The following GRIN2B variants were observed in gnomAD, a reference collection of about 807,000 sequenced individuals.
GRIN2B encodes glutamate receptor ionotropic, NMDA 2B.
Under a neutral mutation model 114.5 loss-of-function variants are expected in GRIN2B, and 5 were observed. The observed-to-expected ratio is 0.04, with a 90% CI of 0.02 to 0.09. The LOEUF is 0.09. Ranked by LOEUF, GRIN2B falls within the 10% of genes least tolerant of loss-of-function variation. The probability of loss-of-function intolerance (pLI) is 1.00; values close to 1 mark genes in which losing one functional copy is unlikely to be tolerated. For missense variants in GRIN2B, 1,108 were observed against 1,943.5 expected (o/e 0.57, Z 8.08); for synonymous variants, 787 against 745.1 (o/e 1.06, Z -0.92).
chr12:13,668,058 A>T (rs1949993821), intron 5 of GRIN2B, among the ~76,000 whole-genome samples: 1 of 152,206 alleles, frequency 6.6e-6, no homozygotes, highest in Non-Finnish European at 1.5e-5. Flanking sequence ...AACCACAGAT[A>T]ACTGTCATGA....
In GRIN2B at chr12:13,949,999, C is replaced by T. The variant is rs1324893942; in HGVS notation, c.-19+29929G>A. Among the ~76,000 whole-genome samples the T allele has an allele frequency of 2.0e-5, 3 of 152,090 alleles. No individual in the cohort carries two copies. The East Asian group carries it at 5.8e-4, about 29-fold the overall frequency. ...CATTATAGAACAGGCACTTAAATTA[C>T]CTTTGATCATGATGTCGATTACAGA... On this transcript the variant is annotated intron_variant, in intron 2 of 13. Transcript: ENST00000609686.
intron 3 of GRIN2B, among the ~76,000 whole-genome samples, chr12:13,789,945 A>C (rs1864290362): frequency 6.6e-6 from 1 of 152,112 alleles, no homozygotes; most frequent in Non-Finnish European, 1.5e-5. Context: ...GGTGAATTGG[A>C]AGTAGATTTT....
chr12:13,837,322 A>G (rs191430037), intron 3 of GRIN2B, among the ~76,000 whole-genome samples: 14 of 152,158 alleles, frequency 9.2e-5, no homozygotes, highest in Non-Finnish European at 1.8e-4. Flanking sequence ...CACTTCACAC[A>G]TGCATGTCCT....
chr12:13,755,640 C>G (rs1170584820), intron 3 of GRIN2B, among the ~76,000 whole-genome samples: 1 of 152,150 alleles, frequency 6.6e-6, no homozygotes, highest in Non-Finnish European at 1.5e-5. Flanking sequence ...GTATCTATTC[C>G]AAACCCTGGC....
At position 13,615,342 on chromosome 12, in the gene GRIN2B, T is replaced by C; in HGVS notation, c.1501-75A>G. ...ACCACCACAAGGAAAATACAGCCTA[T>C]CAGTGGTTTTCTTTGTATAGTGGGA... On this transcript the variant is annotated intron_variant, in intron 7 of 13. Transcript: ENST00000609686. The surrounding 1 kb of genome is among the most constrained non-coding windows in gnomAD (Gnocchi z 5.8). 6.7e-7 allele frequency: 1 copy of C among 1,503,226 alleles called. No individual in the cohort carries two copies. The highest frequency in any genetic ancestry group is 9.3e-7 in the Non-Finnish European group (1 of 1,079,344). 93.1% of individuals were successfully genotyped at this position (1,503,226 alleles called of 1,614,324 possible). A position where few individuals can be genotyped will look rare whatever the true frequency, so the allele number is the denominator to read the frequency against.
At chr12:13,834,926 A>T (rs1272462859) in intron 3 of GRIN2B, among the ~76,000 whole-genome samples, 1 of 152,232 alleles carries the variant, frequency 6.6e-6, no homozygotes, top group East Asian at 1.9e-4. Context: ...GTATTTTTTT[A>T]AACTCCCCAG....
chr12:13,596,560 G>T (rs926719431), intron 10 of GRIN2B, among the ~76,000 whole-genome samples: 3 of 152,172 alleles, frequency 2.0e-5, no homozygotes, highest in African/African-American at 7.2e-5. Flanking sequence ...TTCCCATAAA[G>T]GGAAGGTTGC....
At chr12:13,702,453 G>A (rs1950321605) in intron 4 of GRIN2B, among the ~76,000 whole-genome samples, 1 of 152,202 alleles carries the variant, frequency 6.6e-6, no homozygotes, top group Non-Finnish European at 1.5e-5. Context: ...GACTTCAGTA[G>A]ACTAGGGAAT....
chr12:13,641,275 G>A (rs955622673), intron 5 of GRIN2B, among the ~76,000 whole-genome samples: 3 of 151,840 alleles, frequency 2.0e-5, no homozygotes, highest in Admixed American at 6.6e-5. Flanking sequence ...GTTTCACCAC[G>A]TTGGCCAGGC....
intron 12 of GRIN2B, among the ~76,000 whole-genome samples, chr12:13,567,848 G>GT (rs1948661003): frequency 6.6e-6 from 1 of 152,062 alleles, no homozygotes; most frequent in African/African-American, 2.4e-5. Flanking sequence ...AAAGAGTGAT[G>GT]TAAGAGTGCT....
intron 3 of GRIN2B, among the ~76,000 whole-genome samples, chr12:13,809,086 T>C (rs1028569456): frequency 6.6e-6 from 1 of 152,142 alleles, no homozygotes; most frequent in African/African-American, 2.4e-5. Context: ...GTCCTGTGCA[T>C]TGTAAGATGT....
chr12:13,724,984 C>G (rs1862954443), intron 4 of GRIN2B, among the ~76,000 whole-genome samples: 1 of 152,088 alleles, frequency 6.6e-6, no homozygotes, highest in South Asian at 2.1e-4. Context: ...TTTTCTTCCC[C>G]CTTCATCTGA....
chr12:13,667,460 T>C (rs1949988255), intron 5 of GRIN2B, among the ~76,000 whole-genome samples: 1 of 152,110 alleles, frequency 6.6e-6, no homozygotes, highest in African/African-American at 2.4e-5. Flanking sequence ...AGGGGACAAA[T>C]CTTCTCACTT....
intron 2 of GRIN2B, among the ~76,000 whole-genome samples, chr12:13,892,626 T>C (rs1270462544): frequency 2.6e-5 from 4 of 152,178 alleles, no homozygotes; most frequent in Non-Finnish European, 4.4e-5. Context: ...TTTGCAGAAG[T>C]GGTGGAGGTG....
rs1414923621 is a variant in GRIN2B, at chr12:13,616,736, A to G, written c.1126-79T>C. Reference sequence around the variant, plus strand: ...AGCCTGTCCCAGTATTGTCTGAACAATCCCAGGAAGCAGTTGAACAAAAGC... The same window carrying G: ...AGCCTGTCCCAGTATTGTCTGAACAGTCCCAGGAAGCAGTTGAACAAAAGC... On this transcript the variant is annotated intron_variant, in intron 5 of 13. Transcript: ENST00000609686. 3.6e-6 allele frequency: 4 copies of G among 1,109,554 alleles called. No homozygotes were observed. The African/African-American group carries it at 6.1e-5, about 17-fold the overall frequency. 68.7% of individuals were successfully genotyped at this position (1,109,554 alleles called of 1,614,324 possible).
rs1948547503 is a variant in GRIN2B at position 13,561,739 on chromosome 12, T to C, written c.*1044A>G. ...CCCTTTAGCCTTCCTGGAAAGTTCT[T>C]GGTTCAAACTGGTTGAAACAATTGC... On this transcript the variant is annotated 3_prime_UTR_variant, in exon 14 of 14. Coordinates refer to ENST00000609686, the MANE Select transcript of GRIN2B (RefSeq NM_000834.5). 1 of 152,668 alleles carries C rather than the reference T, an allele frequency of 6.6e-6. No homozygotes were observed. The highest frequency in any genetic ancestry group is 1.5e-5 in the Non-Finnish European group (1 of 68,050). 9.5% of individuals were successfully genotyped at this position (152,668 alleles called of 1,614,324 possible). A position where few individuals can be genotyped will look rare whatever the true frequency, so the allele number is the denominator to read the frequency against.
At chr12:13,847,921 A>T (rs1051207404) in intron 3 of GRIN2B, among the ~76,000 whole-genome samples, 15 of 152,164 alleles carry the variant, frequency 9.9e-5, no homozygotes, top group African/African-American at 3.6e-4. Flanking sequence ...CTCCTCTGCC[A>T]GATTCTCTTC....
intron 3 of GRIN2B, among the ~76,000 whole-genome samples, chr12:13,858,112 C>T (rs939057307): frequency 1.3e-5 from 2 of 152,134 alleles, no homozygotes; most frequent in African/African-American, 4.8e-5. Context: ...CCTCTCTGAT[C>T]TATAGTTTCC....
At chr12:13,569,755 A>G in intron 12 of GRIN2B, 75 bp downstream of exon 12, 1 of 926,192 alleles carries the variant, frequency 1.1e-6, no homozygotes. Context: ...AAGAAATGGA[A>G]GAAAAGGAAA....
Sources: gnomAD v4.1 joint callset for allele counts (sites outside exome capture counted in the v4.1 genomes callset) on GRCh38, gnomAD v4.1.1 for gene constraint, Gnocchi (gnomAD v3.1) non-coding constraint, MANE v1.5 for transcripts, NCBI Gene and HGNC (gene_info 2026-07-23, HGNC 2026-07-21) for gene names.